The following PDE8B variants were observed in gnomAD, a reference collection of about 807,000 sequenced individuals.
PDE8B encodes phosphodiesterase 8B.
A neutral mutation model predicts 101.3 loss-of-function variants in PDE8B; 26 were observed. That is an observed-to-expected ratio of 0.26 (90% CI 0.19 to 0.36). The LOEUF (loss-of-function observed/expected upper bound fraction) is 0.36, where lower values mean the gene tolerates loss of function less well. Ranked by LOEUF, PDE8B falls within the 10% of genes least tolerant of loss-of-function variation. PDE8B has a pLI of 1.00. For synonymous variants in PDE8B, 424 were observed against 429.3 expected, an observed-to-expected ratio of 0.99 and a Z score of 0.15; for missense variants, 810 against 1,163.1, an observed-to-expected ratio of 0.70 and a Z score of 4.42.
the PDE8B span, chr5:77,145,048 TTA>T: frequency 4.6e-5 from 7 of 152,200 alleles, no homozygotes; most frequent in South Asian, 1.4e-3. Context: ...TATCTAAATA[TTA>T]GTTTATAAAC....
chr5:77,386,865 C>CTTTTTTTTTTTTTTTTTTTTTTT (rs59393259), intron 10 of PDE8B, among the ~76,000 whole-genome samples: 1 of 51,080 alleles, frequency 2.0e-5, no homozygotes, highest in African/African-American at 9.3e-5. Flanking sequence ...GATGTAGTTT[C>CTTTTTTTTTTTTTTTTTTTTTTT]TTTTTTTTTT....
intron 10 of PDE8B, among the ~76,000 whole-genome samples, chr5:77,362,596 T>TC (rs1300086497): frequency 6.6e-6 from 1 of 152,244 alleles, no homozygotes; most frequent in Non-Finnish European, 1.5e-5. Flanking sequence ...TCCTATCTGG[T>TC]CCCCAGTCCT....
chr5:77,412,154 C>T lies in PDE8B; in HGVS notation c.1631C>T (p.Pro544Leu), dbSNP rs1253291220. 6.2e-7 allele frequency: 1 copy of T among 1,613,684 alleles called. No individual in the cohort carries two copies. Among genetic ancestry groups the T allele is most frequent in the Non-Finnish European group, 8.5e-7 (1 of 1,179,578 alleles). Reference protein sequence around the residue: ...LAMPITINDVPPCISQLLDNE... With the variant: ...LAMPITINDVLPCISQLLDNE... The stretch of plus-strand genomic sequence containing the variant: ...ATGCCAATAACCATCAATGATGTTC[C>T]CCCTTGTATCTCTCAATTACTTGAT... Residue 544 changes from proline (P) to leucine (L), a missense_variant, in exon 16 of 22, where the codon CCC (proline) becomes CTC (leucine). Physicochemically the swap from Pro to Leu is moderately conservative, Grantham distance 98. Coordinates refer to ENST00000264917, the MANE Select transcript of PDE8B (RefSeq NM_003719.5).
chr5:77,262,978 T>C (rs1477690624), intron 1 of PDE8B, among the ~76,000 whole-genome samples: 2 of 152,320 alleles, frequency 1.3e-5, no homozygotes, highest in African/African-American at 2.4e-5. Context: ...TCTGATGTAA[T>C]AGTAATTTTT....
intron 10 of PDE8B, among the ~76,000 whole-genome samples, chr5:77,392,828 A>G (rs963128349): frequency 6.6e-6 from 1 of 152,246 alleles, no homozygotes; most frequent in African/African-American, 2.4e-5. Flanking sequence ...AGGGAGGTTC[A>G]CAGGCTGTTG....
Position 77,210,795 on chromosome 5 carries a change from C to G in PDE8B, c.-131C>G, listed in dbSNP as rs1748093174. 1 of 983,572 alleles carries G rather than the reference C, an allele frequency of 1.0e-6. No individual in the cohort carries two copies. The highest frequency in any genetic ancestry group is 1.8e-5 in the African/African-American group (1 of 56,712). The allele number at this position is 983,572 out of a possible 1,614,324, so 60.9% of individuals were successfully genotyped here. On this transcript the variant is annotated 5_prime_UTR_variant, in exon 1 of 22. Coordinates refer to ENST00000264917, the MANE Select transcript of PDE8B (RefSeq NM_003719.5). The surrounding 1 kb of genome is among the most constrained non-coding windows in gnomAD (Gnocchi z 4.9). ...CACCGCGGCCAGCCCGACGGAGCGGCGGACACACAGGCCGGGGGGCGCGCA... is the reference window on the plus strand; with the variant it reads ...CACCGCGGCCAGCCCGACGGAGCGGGGGACACACAGGCCGGGGGGCGCGCA...
At chr5:77,424,721 TAC>T (rs932876151) in intron 20 of PDE8B, among the ~76,000 whole-genome samples, 2 of 152,330 alleles carry the variant, frequency 1.3e-5, no homozygotes, top group South Asian at 4.1e-4. Flanking sequence ...TCCAGAATAT[TAC>T]AGAGACATGT....
intron 1 of PDE8B, among the ~76,000 whole-genome samples, chr5:77,223,781 TGAGA>T (rs1751721953): frequency 6.6e-6 from 1 of 152,144 alleles, no homozygotes; most frequent in African/African-American, 2.4e-5. Context: ...AATTGGAATG[TGAGA>T]GAAAGGAACA....
At chr5:77,088,591 G>C in the PDE8B span, 1 of 152,146 alleles carries the variant, frequency 6.6e-6, no homozygotes, top group African/African-American at 2.4e-5. Context: ...GTGGAGTAGG[G>C]AGATGATCTT....
At chr5:77,118,693 T>A in the PDE8B span, 28 of 261,034 alleles carry the variant, frequency 1.1e-4, 1 homozygote, top group East Asian at 9.7e-4. Context: ...TAAAAATGTA[T>A]CTGCATGTGG....
chr5:77,187,260 A>T, the PDE8B span, among the ~76,000 whole-genome samples: 1 of 152,202 alleles, frequency 6.6e-6, no homozygotes, highest in African/African-American at 2.4e-5. Flanking sequence ...GATATTGATG[A>T]GGCAAATATT....
the PDE8B span, among the ~76,000 whole-genome samples, chr5:77,155,200 G>T: frequency 0.04 from 6,108 of 152,138 alleles, 389 homozygotes; most frequent in African/African-American, 0.14. Flanking sequence ...TCACCCATGA[G>T]TATGTGTGGA....
At chr5:77,318,066 A>AC (rs1554079349) in intron 2 of PDE8B, among the ~76,000 whole-genome samples, 138 of 150,928 alleles carry the variant, frequency 9.1e-4, no homozygotes, top group African/African-American at 3.3e-3. Context: ...AAAAAAAAAA[A>AC]AAAAAAAAAA....
chr5:77,285,243 T>G (rs889767202), intron 1 of PDE8B, among the ~76,000 whole-genome samples: 3 of 152,240 alleles, frequency 2.0e-5, no homozygotes, highest in African/African-American at 7.2e-5. Context: ...TATGTTCACC[T>G]AGATAAAATA....
Position 77,413,313 on chromosome 5 carries a change from G to A in PDE8B, c.1911+4G>A, listed in dbSNP as rs756937950. On this transcript the variant is annotated splice_donor_region_variant and intron_variant, in intron 17 of 21. Coordinates refer to ENST00000264917, the MANE Select transcript of PDE8B (RefSeq NM_003719.5). Reference sequence around the variant, plus strand: ...TCTTGGAAAGGAAAGAGTAAAGGTAGGATTTTGATATCATGACCTAGTTAC... The same window carrying A: ...TCTTGGAAAGGAAAGAGTAAAGGTAAGATTTTGATATCATGACCTAGTTAC... 10 of 1,612,680 alleles carry A rather than the reference G, an allele frequency of 6.2e-6. No homozygotes were observed. In the East Asian group the frequency reaches 2.0e-4, roughly 32 times the overall value.
the PDE8B span, among the ~76,000 whole-genome samples, chr5:77,186,902 A>G: frequency 1.3e-5 from 2 of 152,100 alleles, no homozygotes; most frequent in Admixed American, 1.3e-4. Context: ...TCTGTTTCCT[A>G]CTAGAAAGCT....
chr5:77,159,546 C>A, the PDE8B span, among the ~76,000 whole-genome samples: 7 of 152,136 alleles, frequency 4.6e-5, no homozygotes, highest in Non-Finnish European at 1.0e-4. Context: ...ACTGTGGGAC[C>A]TTGTGATCAT....
At chr5:77,148,754 T>G in the PDE8B span, among the ~76,000 whole-genome samples, 1 of 152,196 alleles carries the variant, frequency 6.6e-6, no homozygotes, top group Non-Finnish European at 1.5e-5. Flanking sequence ...TTGTAAGAGT[T>G]TTTTCTTTAT....
chr5:77,247,547 A>G (rs1757212911), intron 1 of PDE8B, among the ~76,000 whole-genome samples: 1 of 152,178 alleles, frequency 6.6e-6, no homozygotes, highest in South Asian at 2.1e-4. Flanking sequence ...GCTGCTCTGC[A>G]TGTTCATCAA....
Sources: allele counts gnomAD v4.1 joint callset (sites outside exome capture counted in the v4.1 genomes callset), GRCh38; gene constraint gnomAD v4.1.1; non-coding constraint Gnocchi (gnomAD v3.1); transcripts MANE v1.5; gene names NCBI Gene and HGNC (gene_info 2026-07-23, HGNC 2026-07-21).